RNF139: variants seen among roughly 807,000 people sequenced by gnomAD.
The protein encoded by RNF139 is ring finger protein 139.
Under a neutral mutation model 49.5 loss-of-function variants are expected in RNF139, and 15 were observed. That is an observed-to-expected ratio of 0.30 (90% confidence interval 0.20 to 0.47). The LOEUF (loss-of-function observed/expected upper bound fraction) is 0.47, where lower values mean the gene tolerates loss of function less well. Ranked by LOEUF, RNF139 falls within the 20% of genes least tolerant of loss-of-function variation. The probability of loss-of-function intolerance (pLI) is 1.00; values close to 1 mark genes in which losing one functional copy is unlikely to be tolerated. For synonymous variants in RNF139, 325 were observed against 300.9 expected (o/e 1.08, Z -0.83); for missense variants, 619 against 806.3 (o/e 0.77, Z 2.81).
At chr8:124,483,498 G>C (rs1425870440) in intron 1 of RNF139, 2 of 151,978 alleles carry the variant, frequency 1.3e-5, no homozygotes, top group Non-Finnish European at 2.9e-5. Context: ...GCATGCAGTG[G>C]TGCGATCTCA....
intron 1 of RNF139, among the ~76,000 whole-genome samples, chr8:124,484,708 T>G (rs796151328): frequency 3.3e-5 from 5 of 152,312 alleles, no homozygotes; most frequent in Non-Finnish European, 7.4e-5. Flanking sequence ...ACTTAAAATA[T>G]GCATTTCTGT....
Position 124,487,243 on chromosome 8 carries a change from C to G in RNF139, c.1594C>G (p.Leu532Val). 1.2e-6 allele frequency: 2 copies of G among 1,613,836 alleles called. No individual in the cohort carries two copies. Among genetic ancestry groups the G allele is most frequent in the Non-Finnish European group, 1.7e-6 (2 of 1,179,938 alleles). ...RRTAVKKINS[L>V]PEIKGSRLQE... ...GACTGCTGTGAAGAAAATTAATTCACTTCCTGAAATAAAAGGGAGCCGCTT... is the reference window on the plus strand; with the variant it reads ...GACTGCTGTGAAGAAAATTAATTCAGTTCCTGAAATAAAAGGGAGCCGCTT... The change falls in exon 2 of 2, where the codon CTT becomes GTT. Residue 532 changes from leucine to valine, a missense_variant. By Grantham distance (32) the Leu-to-Val change is conservative (BLOSUM62 1). Coordinates refer to ENST00000303545, the MANE Select transcript of RNF139 (RefSeq NM_007218.4).
intron 1 of RNF139, among the ~76,000 whole-genome samples, chr8:124,477,087 T>G (rs1816326940): frequency 6.6e-6 from 1 of 152,222 alleles, no homozygotes; most frequent in Non-Finnish European, 1.5e-5. Flanking sequence ...TAAATCTATT[T>G]TAATGCTTCA....
chr8:124,476,820 G>C (rs949537206), intron 1 of RNF139, among the ~76,000 whole-genome samples: 2 of 152,216 alleles, frequency 1.3e-5, no homozygotes, highest in Non-Finnish European at 2.9e-5. Context: ...GCAGTAGTCT[G>C]TTGAGCTTCA....
intron 1 of RNF139, among the ~76,000 whole-genome samples, chr8:124,476,422 T>C (rs1013965296): frequency 2.0e-5 from 3 of 152,264 alleles, no homozygotes; most frequent in Non-Finnish European, 2.9e-5. Flanking sequence ...GTTAAGTGTT[T>C]TGCTCTTGGT....
chr8:124,476,821 T>TTGA (rs1473596998), intron 1 of RNF139, among the ~76,000 whole-genome samples: 1 of 152,244 alleles, frequency 6.6e-6, no homozygotes, highest in Non-Finnish European at 1.5e-5. Context: ...CAGTAGTCTG[T>TTGA]TGAGCTTCAG....
chr8:124,476,112 G>A (rs1266356252), intron 1 of RNF139, among the ~76,000 whole-genome samples: 1 of 152,170 alleles, frequency 6.6e-6, no homozygotes, highest in Non-Finnish European at 1.5e-5. Flanking sequence ...GGTAATTCTG[G>A]TGATCGGTCT....
intron 1 of RNF139, among the ~76,000 whole-genome samples, chr8:124,482,935 TA>T (rs201354230): frequency 1.0e-4 from 8 of 79,614 alleles, no homozygotes; most frequent in African/African-American, 2.3e-4. Flanking sequence ...AAAAAAAATA[TA>T]AAAAAAAATA....
intron 1 of RNF139, among the ~76,000 whole-genome samples, chr8:124,484,489 T>C (rs952071389): frequency 9.2e-5 from 14 of 152,080 alleles, no homozygotes; most frequent in African/African-American, 3.1e-4. Flanking sequence ...AGTTTGAGCA[T>C]GTGGGGCTGG....
At chr8:124,484,206 A>G (rs1179417790) in intron 1 of RNF139, among the ~76,000 whole-genome samples, 1 of 152,180 alleles carries the variant, frequency 6.6e-6, no homozygotes, top group African/African-American at 2.4e-5. Context: ...TGTTTGGGGA[A>G]TCCAAGTCTG....
chr8:124,482,234 A>G (rs1448867545), intron 1 of RNF139, among the ~76,000 whole-genome samples: 1 of 152,102 alleles, frequency 6.6e-6, no homozygotes, highest in Non-Finnish European at 1.5e-5. Flanking sequence ...TTTTCACTAG[A>G]AATGTTTCTA....
chr8:124,475,385 A>G, intron 1 of RNF139, 95 bp downstream of exon 1: 1 of 1,288,024 alleles, frequency 7.8e-7, no homozygotes, highest in Non-Finnish European at 1.1e-6. Context: ...TGGGTCGAGT[A>G]TGTGTCTTTG....
chr8:124,487,608 C>A lies in RNF139; in HGVS notation c.1959C>A (p.Gly653=). The change falls in exon 2 of 2, where the codon GGC becomes GGA. Residue 653 remains glycine, a synonymous_variant. Coordinates refer to ENST00000303545, the MANE Select transcript of RNF139 (RefSeq NM_007218.4). ...RERNGVIQHT[G]AAAEEFNDDT... is the part of the protein sequence containing the mutation. ...GAAATGGAGTGATTCAGCACACAGG[C>A]GCAGCAGCTGAAGAATTTAATGATG... 1.2e-6 allele frequency: 2 copies of A among 1,607,748 alleles called. No individual in the cohort carries two copies. Among genetic ancestry groups the A allele is most frequent in the Non-Finnish European group, 8.5e-7 (1 of 1,176,280 alleles).
chr8:124,484,529 G>C (rs1816498148), intron 1 of RNF139, among the ~76,000 whole-genome samples: 1 of 152,058 alleles, frequency 6.6e-6, no homozygotes, highest in Admixed American at 6.6e-5. Flanking sequence ...GAACAATAAT[G>C]GTACCTTCAA....
In RNF139 at chr8:124,482,977, AAT is replaced by A. The variant is rs377661619; in HGVS notation, c.182-2843_182-2842del. ...ATATATAATATATATATATTATTTA[AAT>A]ATATATATATTTAAAAATATATATA... On this transcript the variant is annotated intron_variant, in intron 1 of 1. Coordinates refer to ENST00000303545, the MANE Select transcript of RNF139 (RefSeq NM_007218.4). Among the ~76,000 whole-genome samples the A allele has an allele frequency of 6.8e-3, 624 of 91,478 alleles. 19 individuals are homozygous for A. Among genetic ancestry groups the A allele is most frequent in the Non-Finnish European group, 8.0e-3 (405 of 50,470 alleles). 60.0% of individuals were successfully genotyped at this position (91,478 alleles called of 152,430 possible). A position where few individuals can be genotyped will look rare whatever the true frequency, so the allele number is the denominator to read the frequency against.
intron 1 of RNF139, among the ~76,000 whole-genome samples, chr8:124,478,990 G>T (rs1175442017): frequency 6.6e-6 from 1 of 152,178 alleles, no homozygotes; most frequent in African/African-American, 2.4e-5. Flanking sequence ...CTCCCAGAGT[G>T]CTGGGATTAC....
At chr8:124,481,325 G>A (rs184668777) in intron 1 of RNF139, among the ~76,000 whole-genome samples, 3 of 152,026 alleles carry the variant, frequency 2.0e-5, no homozygotes, top group African/African-American at 7.2e-5. Flanking sequence ...TTGTTTTAGA[G>A]GTATTTCGGG....
chr8:124,486,546 C>G lies in RNF139; in HGVS notation c.897C>G (p.Ser299=), dbSNP rs1816534325. The change falls in exon 2 of 2, where the codon TCC becomes TCG. Residue 299 remains serine (S), a synonymous_variant. Transcript: ENST00000303545. The part of the protein sequence containing the change: ...LTVLGMSAVI[S]SVAHYLGLGI... ...TACTGGGCATGAGTGCTGTAATTTC[C>G]TCAGTAGCCCATTATTTGGGGCTTG... is the stretch of plus-strand genomic sequence containing the variant. The G allele has an allele frequency of 1.2e-6, 2 of 1,614,140 alleles. No individual in the cohort carries two copies. Among genetic ancestry groups the G allele is most frequent in the South Asian group, 1.1e-5 (1 of 91,084 alleles).
chr8:124,477,213 C>A (rs1160407909), intron 1 of RNF139, among the ~76,000 whole-genome samples: 1 of 152,082 alleles, frequency 6.6e-6, no homozygotes, highest in Non-Finnish European at 1.5e-5. Context: ...TTGAGAAATA[C>A]GAAATACTCT....
Sources: gnomAD v4.1 joint callset for allele counts (sites outside exome capture counted in the v4.1 genomes callset) on GRCh38, gnomAD v4.1.1 for gene constraint, MANE v1.5 for transcripts, NCBI Gene and HGNC (gene_info 2026-07-23, HGNC 2026-07-21) for gene names.